The following ESRRB variants were observed in gnomAD, a reference collection of about 807,000 sequenced individuals.
ESRRB encodes the protein estrogen related receptor beta.
A neutral mutation model predicts 46.0 loss-of-function variants in ESRRB; 16 were observed. The observed-to-expected ratio is 0.35, with a 90% confidence interval of 0.24 to 0.53. The LOEUF is 0.53. Among genes scored for constraint, ESRRB ranks in the 20% least tolerant of loss-of-function variants. ESRRB has a pLI of 0.93. For synonymous variants in ESRRB, 246 were observed against 259.6 expected (o/e 0.95, Z 0.50); for missense variants, 488 against 607.4 (o/e 0.80, Z 2.07).
intron 1 of ESRRB, among the ~76,000 whole-genome samples, chr14:76,386,763 C>T (rs1453866541): frequency 6.6e-6 from 1 of 152,160 alleles, no homozygotes; most frequent in Non-Finnish European, 1.5e-5. Context: ...ATGTGTTAGG[C>T]TGGCCGTGCC....
intron 3 of ESRRB, among the ~76,000 whole-genome samples, chr14:76,473,706 G>A (rs1889462242): frequency 6.6e-6 from 1 of 152,256 alleles, no homozygotes; most frequent in Admixed American, 6.5e-5. Flanking sequence ...GGGAGGTGGA[G>A]GGAAGAAGGA....
chr14:76,459,485 A>G (rs902513614), intron 2 of ESRRB, among the ~76,000 whole-genome samples: 2 of 148,798 alleles, frequency 1.3e-5, no homozygotes, highest in African/African-American at 2.5e-5. Flanking sequence ...GACCTAGGAG[A>G]CCATGGAGTT....
At chr14:76,434,488 C>T (rs74624313) in intron 1 of ESRRB, among the ~76,000 whole-genome samples, 9,133 of 148,672 alleles carry the variant, frequency 0.061, 887 homozygotes, top group African/African-American at 0.21. Context: ...CTGTCTCTAC[C>T]AAAAAAAAAC....
chr14:76,383,205 C>T (rs60278229), intron 1 of ESRRB, among the ~76,000 whole-genome samples: 6,514 of 152,246 alleles, frequency 0.043, 213 homozygotes, highest in East Asian at 0.13. Context: ...ATCAAGGAAA[C>T]GATGAGTTTA....
chr14:76,479,043 C>T (rs1037884822), intron 3 of ESRRB, among the ~76,000 whole-genome samples: 1 of 152,100 alleles, frequency 6.6e-6, no homozygotes, highest in African/African-American at 2.4e-5. Context: ...TGCAGTGCTC[C>T]TCAAACTCTG....
At chr14:76,326,523 T>C (rs886124235) in intron 1 of ESRRB, among the ~76,000 whole-genome samples, 27 of 152,210 alleles carry the variant, frequency 1.8e-4, no homozygotes, top group African/African-American at 5.8e-4. Flanking sequence ...AGATGAGCCA[T>C]ACGGAAGCAC....
intron 3 of ESRRB, 48 bp from the exon 4 acceptor site, chr14:76,481,968 G>A (rs936792904): frequency 2.6e-6 from 4 of 1,546,398 alleles, no homozygotes; most frequent in Non-Finnish European, 3.6e-6. Flanking sequence ...CTTCTACCCT[G>A]GTGATGTTGA....
intron 1 of ESRRB, among the ~76,000 whole-genome samples, chr14:76,383,965 T>C (rs1478786667): frequency 6.6e-6 from 1 of 152,150 alleles, no homozygotes; most frequent in East Asian, 1.9e-4. Context: ...CACTAAACTT[T>C]ATGCAAAACC....
chr14:76,395,088 G>A (rs1337041306), intron 1 of ESRRB, among the ~76,000 whole-genome samples: 1 of 151,700 alleles, frequency 6.6e-6, no homozygotes, highest in East Asian at 1.9e-4. Flanking sequence ...ACCTCAGTAG[G>A]AGCTCTCCGT....
At chr14:76,326,317 G>A (rs1883929504) in intron 1 of ESRRB, among the ~76,000 whole-genome samples, 1 of 152,206 alleles carries the variant, frequency 6.6e-6, no homozygotes, top group Admixed American at 6.5e-5. Context: ...GACAGCTGAT[G>A]GCCTGAGGAC....
At chr14:76,406,745 AAAACAAAC>A (rs150455357) in intron 1 of ESRRB, among the ~76,000 whole-genome samples, 1 of 152,112 alleles carries the variant, frequency 6.6e-6, no homozygotes, top group African/African-American at 2.4e-5. Context: ...ACTTCGTCAA[AAAACAAAC>A]AAACAAACAA....
At chr14:76,360,929 G>A (rs1884455128) in intron 1 of ESRRB, among the ~76,000 whole-genome samples, 1 of 152,140 alleles carries the variant, frequency 6.6e-6, no homozygotes, top group African/African-American at 2.4e-5. Flanking sequence ...GGATTATTCT[G>A]CCTCTGACTG....
chr14:76,354,463 G>T (rs1005009082), intron 1 of ESRRB, among the ~76,000 whole-genome samples: 6 of 152,062 alleles, frequency 3.9e-5, no homozygotes, highest in East Asian at 1.9e-4. Context: ...GCACTCTGAA[G>T]GGGGAGGACA....
intron 2 of ESRRB, among the ~76,000 whole-genome samples, chr14:76,443,063 G>T (rs1045925103): frequency 6.6e-6 from 1 of 151,754 alleles, no homozygotes; most frequent in Non-Finnish European, 1.5e-5. Flanking sequence ...TGATCCACCC[G>T]CCTCAGCCTC....
At chr14:76,444,551 T>G (rs1240812712) in intron 2 of ESRRB, among the ~76,000 whole-genome samples, 4 of 151,756 alleles carry the variant, frequency 2.6e-5, no homozygotes, top group Non-Finnish European at 4.4e-5. Flanking sequence ...TGTGGGTTTT[T>G]TTTTGTTTTG....
chr14:76,464,185 G>A (rs1028125205), intron 3 of ESRRB, among the ~76,000 whole-genome samples: 1 of 152,190 alleles, frequency 6.6e-6, no homozygotes, highest in African/African-American at 2.4e-5. Context: ...GTGTGTGGGG[G>A]TGATCAGAAG....
chr14:76,484,484 T>C (rs1055525131), intron 5 of ESRRB, among the ~76,000 whole-genome samples: 16 of 152,156 alleles, frequency 1.1e-4, no homozygotes, highest in African/African-American at 1.9e-4. Context: ...CAGGGCCAAA[T>C]TGGGTACAGG....
chr14:76,373,875 A>C (rs1214584125), upstream of ESRRB, among the ~76,000 whole-genome samples: 4 of 152,202 alleles, frequency 2.6e-5, no homozygotes, highest in Non-Finnish European at 5.9e-5. Context: ...TGTTCTAACC[A>C]ATGCAGACCC....
intron 1 of ESRRB, among the ~76,000 whole-genome samples, chr14:76,425,678 C>T (rs1887166846): frequency 6.6e-6 from 1 of 152,178 alleles, no homozygotes. Context: ...TGGACACTCC[C>T]CTGACCCACC....
Sources: allele counts gnomAD v4.1 joint callset (sites outside exome capture counted in the v4.1 genomes callset), GRCh38; gene constraint gnomAD v4.1.1; transcripts MANE v1.5; gene names NCBI Gene and HGNC (gene_info 2026-07-23, HGNC 2026-07-21).